The following CPA6 variants were observed in gnomAD, a reference collection of about 807,000 sequenced individuals.
CPA6 encodes carboxypeptidase A6.
A neutral mutation model predicts 63.3 loss-of-function variants in CPA6; 58 were observed. The observed-to-expected ratio is 0.92, with a 90% CI of 0.74 to 1.14. The LOEUF (loss-of-function observed/expected upper bound fraction) is 1.14. CPA6 is among the 50% of genes most tolerant of loss of function. CPA6 has a pLI of 0.00. For missense variants in CPA6, 565 were observed against 526.6 expected (o/e 1.07, Z -0.71); for synonymous variants, 185 against 179.0 (o/e 1.03, Z -0.27).
chr8:67,582,076 G>C (rs1329072261), intron 2 of CPA6, among the ~76,000 whole-genome samples: 1 of 151,942 alleles, frequency 6.6e-6, no homozygotes, highest in African/African-American at 2.4e-5. Context: ...ATTTTGTCAG[G>C]GTCTGATGAA....
intron 3 of CPA6, among the ~76,000 whole-genome samples, chr8:67,515,803 C>T (rs943669517): frequency 1.7e-4 from 26 of 152,288 alleles, no homozygotes; most frequent in Non-Finnish European, 3.1e-4. Context: ...TGTGGCTACC[C>T]TGTGGATCTT....
At chr8:67,498,677 T>G (rs1811771852) in intron 6 of CPA6, among the ~76,000 whole-genome samples, 1 of 152,060 alleles carries the variant, frequency 6.6e-6, no homozygotes, top group African/African-American at 2.4e-5. Flanking sequence ...ATCTTTTTCC[T>G]CTCCCCTCAA....
chr8:67,469,272 A>G (rs1811002416), intron 8 of CPA6, among the ~76,000 whole-genome samples: 1 of 152,108 alleles, frequency 6.6e-6, no homozygotes, highest in South Asian at 2.1e-4. Context: ...TACCCTCCAT[A>G]AAGTGGGTGG....
At chr8:67,527,099 C>G (rs1188159594) in intron 2 of CPA6, among the ~76,000 whole-genome samples, 2 of 152,098 alleles carry the variant, frequency 1.3e-5, no homozygotes, top group Non-Finnish European at 2.9e-5. Context: ...AGACAAGAGC[C>G]CCTGGGCTGT....
At chr8:67,681,175 C>G (rs1303241017) in intron 1 of CPA6, among the ~76,000 whole-genome samples, 3 of 148,350 alleles carry the variant, frequency 2.0e-5, no homozygotes, top group Non-Finnish European at 3.0e-5. Context: ...GAAATCTTTG[C>G]TCAACCCAAG....
chr8:67,444,209 C>T (rs571458990), intron 8 of CPA6, among the ~76,000 whole-genome samples: 4 of 151,908 alleles, frequency 2.6e-5, no homozygotes, highest in East Asian at 4.0e-4. Flanking sequence ...AGCTTGGTCT[C>T]GATCTCCCGA....
At chr8:67,603,044 G>A (rs1814537320) in intron 2 of CPA6, among the ~76,000 whole-genome samples, 1 of 152,152 alleles carries the variant, frequency 6.6e-6, no homozygotes, top group African/African-American at 2.4e-5. Context: ...GAAGCTAAGT[G>A]TGACAAAAAT....
At chr8:67,513,281 A>G (rs181062419) in intron 3 of CPA6, among the ~76,000 whole-genome samples, 60 of 152,320 alleles carry the variant, frequency 3.9e-4, no homozygotes, top group Middle Eastern at 6.8e-3. Context: ...TTGCTAAAGT[A>G]AGTCTTGAGC....
Position 67,654,799 on chromosome 8 carries a change from G to A in CPA6, c.117-30548C>T, listed in dbSNP as rs568851441. ...GCATCATGAAATCATTCTAACATAC[G>A]TAAATTGGTCTCCTCTTTTTCTACA... On this transcript the variant is annotated intron_variant, in intron 1 of 10. Transcript: ENST00000297770. Among the ~76,000 whole-genome samples the A allele has an allele frequency of 5.3e-5, 8 of 152,186 alleles. No homozygotes were observed. In the South Asian group the frequency reaches 1.2e-3, roughly 24 times the overall value.
chr8:67,454,208 G>A (rs532518787), intron 8 of CPA6, among the ~76,000 whole-genome samples: 2 of 152,368 alleles, frequency 1.3e-5, no homozygotes, highest in African/African-American at 2.4e-5. Flanking sequence ...TGGGTGGAAA[G>A]AAGATCACTA....
intron 2 of CPA6, among the ~76,000 whole-genome samples, chr8:67,563,470 T>G (rs1813263286): frequency 6.6e-6 from 1 of 152,170 alleles, no homozygotes; most frequent in Non-Finnish European, 1.5e-5. Flanking sequence ...TTTCTAAAAA[T>G]CTTGGACAGA....
At chr8:67,631,276 C>T (rs1197097313) in intron 1 of CPA6, among the ~76,000 whole-genome samples, 4 of 152,212 alleles carry the variant, frequency 2.6e-5, no homozygotes, top group African/African-American at 9.7e-5. Context: ...TTTTTGGATG[C>T]ACCAATCAGC....
At chr8:67,610,604 C>T (rs1389197988) in intron 2 of CPA6, among the ~76,000 whole-genome samples, 1 of 152,174 alleles carries the variant, frequency 6.6e-6, no homozygotes, top group East Asian at 1.9e-4. Context: ...GGAGAGATGA[C>T]TGACTTCCCA....
intron 2 of CPA6, among the ~76,000 whole-genome samples, chr8:67,622,112 G>A (rs1214992221): frequency 2.0e-5 from 3 of 152,156 alleles, no homozygotes; most frequent in East Asian, 1.9e-4. Context: ...GGCCTAACAC[G>A]TAAATAGATT....
chr8:67,621,289 A>T (rs1487616746), intron 2 of CPA6, among the ~76,000 whole-genome samples: 1 of 152,184 alleles, frequency 6.6e-6, no homozygotes, highest in African/African-American at 2.4e-5. Flanking sequence ...AGCTGTGAGT[A>T]GGACTATATG....
chr8:67,530,748 C>T (rs1328063591), intron 2 of CPA6, among the ~76,000 whole-genome samples: 1 of 152,162 alleles, frequency 6.6e-6, no homozygotes, highest in Non-Finnish European at 1.5e-5. Context: ...TTGGAACTGC[C>T]ATTCTAGCAT....
intron 2 of CPA6, among the ~76,000 whole-genome samples, chr8:67,557,002 G>A (rs550367913): frequency 6.6e-6 from 1 of 152,306 alleles, no homozygotes; most frequent in East Asian, 1.9e-4. Context: ...TGGGGGAGAC[G>A]ATAATAAAAA....
intron 2 of CPA6, among the ~76,000 whole-genome samples, chr8:67,621,577 G>C (rs1376051537): frequency 6.6e-6 from 1 of 152,190 alleles, no homozygotes; most frequent in African/African-American, 2.4e-5. Context: ...ACTTAACTCT[G>C]TCTCTCTTCT....
chr8:67,542,421 G>T (rs1278159509), intron 2 of CPA6, among the ~76,000 whole-genome samples: 1 of 152,180 alleles, frequency 6.6e-6, no homozygotes, highest in African/African-American at 2.4e-5. Context: ...ACCAGTTTTA[G>T]ATGAAAATTC....
Sources: gnomAD v4.1 joint callset for allele counts (sites outside exome capture counted in the v4.1 genomes callset) on GRCh38, gnomAD v4.1.1 for gene constraint, MANE v1.5 for transcripts, NCBI Gene and HGNC (gene_info 2026-07-23, HGNC 2026-07-21) for gene names.